The following PAG1 variants were observed in gnomAD, a reference collection of about 807,000 sequenced individuals.
The protein encoded by PAG1 is phosphoprotein associated with glycosphingolipid-enriched microdomains 1.
PAG1 carries 23 observed loss-of-function variants against 31.7 expected under a neutral mutation model. That is an observed-to-expected ratio of 0.73 (90% CI 0.52 to 1.03). The LOEUF (loss-of-function observed/expected upper bound fraction) is 1.03, where lower values mean the gene tolerates loss of function less well. Ranked by LOEUF, PAG1 falls within the 50% of genes least tolerant of loss-of-function variation. The pLI is 0.00. For missense variants in PAG1, 473 were observed against 540.7 expected, an observed-to-expected ratio of 0.87 and a Z score of 1.24; for synonymous variants, 214 against 210.3, an observed-to-expected ratio of 1.02 and a Z score of -0.15.
chr8:81,058,376 A>AT (rs1434554796), intron 2 of PAG1: 7 of 152,268 alleles, frequency 4.6e-5, no homozygotes, highest in Non-Finnish European at 7.3e-5. Flanking sequence ...GCAAGTGGTA[A>AT]TAAAAACTGA....
intron 2 of PAG1, among the ~76,000 whole-genome samples, chr8:81,050,390 A>G (rs945382447): frequency 5.9e-5 from 9 of 152,060 alleles, no homozygotes; most frequent in African/African-American, 1.9e-4. Context: ...GAGTGGTAAG[A>G]AGGTGGCTGG....
In PAG1 at chr8:80,976,691, C is replaced by T. The variant is rs1429642280; in HGVS notation, c.1152G>A (p.Glu384=). Residue 384 remains glutamate, a synonymous_variant, in exon 9 of 9, where the codon GAG becomes GAA. Coordinates refer to ENST00000220597, the MANE Select transcript of PAG1 (RefSeq NM_018440.4). ...GAGTCTGTATCGCTTCATAATCAGG[C>T]TCTGGCTCCTCGCTGGGCCTCCCTG... The part of the protein sequence containing the change: ...PPAGRPSEEP[E]PDYEAIQTLN... 1 of 1,614,028 alleles carries T rather than the reference C, an allele frequency of 6.2e-7. No homozygotes were observed. Among genetic ancestry groups the T allele is most frequent in the Non-Finnish European group, 8.5e-7 (1 of 1,180,032 alleles).
chr8:81,027,027 T>C (rs1204423425), intron 3 of PAG1, among the ~76,000 whole-genome samples: 1 of 152,196 alleles, frequency 6.6e-6, no homozygotes, highest in Non-Finnish European at 1.5e-5. Flanking sequence ...ACTTTTTTTT[T>C]TGAGACAGGG....
intron 2 of PAG1, among the ~76,000 whole-genome samples, chr8:81,041,871 C>G (rs73694025): frequency 6.6e-6 from 1 of 152,124 alleles, no homozygotes; most frequent in South Asian, 2.1e-4. Flanking sequence ...CACGGCTCAC[C>G]ATAATATCCA....
chr8:81,062,612 T>C (rs528731072), intron 2 of PAG1, among the ~76,000 whole-genome samples: 10 of 152,368 alleles, frequency 6.6e-5, no homozygotes, highest in African/African-American at 2.4e-4. Flanking sequence ...AAATTATTTA[T>C]TTAATTTACT....
chr8:81,107,340 T>C (rs926296298), intron 1 of PAG1, among the ~76,000 whole-genome samples: 1 of 152,188 alleles, frequency 6.6e-6, no homozygotes, highest in African/African-American at 2.4e-5. Flanking sequence ...CAAGATAGTA[T>C]AGGATTCTTC....
intron 6 of PAG1, among the ~76,000 whole-genome samples, chr8:80,986,904 A>G (rs2130444924): frequency 6.6e-6 from 1 of 152,220 alleles, no homozygotes; most frequent in Non-Finnish European, 1.5e-5. Context: ...GGATGCCCTG[A>G]TTTTAGCCCA....
chr8:81,022,429 G>A (rs2127937), intron 3 of PAG1, among the ~76,000 whole-genome samples: 75,218 of 152,000 alleles, frequency 0.49, 21,263 homozygotes, highest in Non-Finnish European at 0.63. Context: ...GAACAGCCAA[G>A]CAATGTCAAT....
chr8:81,041,025 ATGG>A (rs1472503131), intron 2 of PAG1, among the ~76,000 whole-genome samples: 1 of 152,234 alleles, frequency 6.6e-6, no homozygotes, highest in African/African-American at 2.4e-5. Context: ...GCATCTTTGC[ATGG>A]AAAACTGAAG....
At chr8:81,041,603 TAAA>T (rs1808556027) in intron 2 of PAG1, among the ~76,000 whole-genome samples, 1 of 152,226 alleles carries the variant, frequency 6.6e-6, no homozygotes, top group South Asian at 2.1e-4. Context: ...TGGAAACTTT[TAAA>T]AAGTAAACAT....
At position 81,069,037 on chromosome 8, in the gene PAG1, T is replaced by TCTA. The variant is rs555110171; in HGVS notation, c.-175+1074_-175+1075insTAG. Reference sequence around the variant, plus strand: ...TTAGGAGATCAGAGGAAGGCGTTTTTAGAATGTGGATAATCAAAGGTCTTA... The same window carrying TCTA: ...TTAGGAGATCAGAGGAAGGCGTTTTTCTAAGAATGTGGATAATCAAAGGTCTTA... On this transcript the variant is annotated intron_variant, in intron 2 of 8. Coordinates refer to ENST00000220597, the MANE Select transcript of PAG1 (RefSeq NM_018440.4). Among the ~76,000 whole-genome samples, 225 of 152,346 alleles carry TCTA rather than the reference T, an allele frequency of 1.5e-3. 6 individuals are homozygous for TCTA. In the East Asian group the frequency reaches 0.041, roughly 28 times the overall value.
At chr8:80,984,730 C>G in intron 7 of PAG1, 46 bp downstream of exon 7, 17 of 1,573,636 alleles carry the variant, frequency 1.1e-5, no homozygotes, top group Non-Finnish European at 1.4e-5. Flanking sequence ...AGATTCCTAA[C>G]CAGAACAGGA....
At chr8:81,029,230 T>C (rs1808335081) in intron 3 of PAG1, among the ~76,000 whole-genome samples, 1 of 152,228 alleles carries the variant, frequency 6.6e-6, no homozygotes, top group African/African-American at 2.4e-5. Flanking sequence ...AAGCTGACTA[T>C]GAATTCAGCT....
At chr8:81,033,061 A>G (rs1045572823) in intron 2 of PAG1, among the ~76,000 whole-genome samples, 1 of 152,160 alleles carries the variant, frequency 6.6e-6, no homozygotes, top group East Asian at 1.9e-4. Context: ...GCTAGGGGAG[A>G]AGGGGTGATG....
At chr8:81,058,358 A>G (rs188098566) in intron 2 of PAG1, among the ~76,000 whole-genome samples, 1 of 152,226 alleles carries the variant, frequency 6.6e-6, no homozygotes, top group Non-Finnish European at 1.5e-5. Context: ...CAAATTAAAA[A>G]ATGCCAGGCA....
chr8:81,028,607 A>G (rs1271504499), intron 3 of PAG1, among the ~76,000 whole-genome samples: 1 of 152,228 alleles, frequency 6.6e-6, no homozygotes, highest in African/African-American at 2.4e-5. Context: ...GAAAATTATC[A>G]CTGAAAGGAA....
chr8:81,053,635 T>C (rs1220909296), intron 2 of PAG1, among the ~76,000 whole-genome samples: 1 of 152,206 alleles, frequency 6.6e-6, no homozygotes. Flanking sequence ...AACAGCCCTT[T>C]TGAAGACATC....
chr8:81,043,557 A>T (rs1320661407), intron 2 of PAG1, among the ~76,000 whole-genome samples: 1 of 152,224 alleles, frequency 6.6e-6, no homozygotes, highest in African/African-American at 2.4e-5. Context: ...TAACTATAGA[A>T]CATTCAATGA....
At chr8:81,025,464 G>T (rs560299777) in intron 3 of PAG1, among the ~76,000 whole-genome samples, 1 of 152,244 alleles carries the variant, frequency 6.6e-6, no homozygotes, top group South Asian at 2.1e-4. Flanking sequence ...TTAAGACAAG[G>T]CCTCCAGGAG....
Sources: allele counts gnomAD v4.1 joint callset (sites outside exome capture counted in the v4.1 genomes callset), GRCh38; gene constraint gnomAD v4.1.1; transcripts MANE v1.5; gene names NCBI Gene and HGNC (gene_info 2026-07-23, HGNC 2026-07-21).